Variants in TULP3 observed in about 807,000 individuals in gnomAD.
The protein encoded by TULP3 is tubby-related protein 3.
A neutral mutation model predicts 50.7 loss-of-function variants in TULP3; 38 were observed. The ratio of observed to expected loss-of-function variants is 0.75; its 90% confidence interval spans 0.58 to 0.98. TULP3 has a LOEUF of 0.98. TULP3 is among the 50% of genes least tolerant of loss of function. The probability of loss-of-function intolerance (pLI) is 0.00; values close to 1 mark genes in which losing one functional copy is unlikely to be tolerated. For missense variants in TULP3, 550 were observed against 568.0 expected, an observed-to-expected ratio of 0.97 and a Z score of 0.32; for synonymous variants, 183 against 196.6, an observed-to-expected ratio of 0.93 and a Z score of 0.58.
At position 2,922,311 on chromosome 12, in the gene TULP3, A is replaced by C. The variant is rs749395987; in HGVS notation, c.303A>C (p.Pro101=). The C allele has an allele frequency of 6.2e-7, 1 of 1,614,040 alleles. No individual in the cohort carries two copies. The highest frequency in any genetic ancestry group is 2.2e-5 in the East Asian group (1 of 44,884). ...AVLKPDEVHA[P]SVSSSVVEED... ...TGAAACCAGACGAAGTTCATGCTCC[A>C]TCAGTAAGCTCCTCTGTTGTGGAAG... is the stretch of plus-strand genomic sequence containing the variant. The change falls in exon 4 of 11, where the codon CCA becomes CCC. Residue 101 remains proline (P), a synonymous_variant. Coordinates refer to ENST00000448120, the MANE Select transcript of TULP3 (RefSeq NM_003324.5).
At chr12:2,922,427 G>T in intron 4 of TULP3, 25 bp downstream of exon 4, 2 of 1,596,722 alleles carry the variant, frequency 1.3e-6, no homozygotes, top group Non-Finnish European at 1.7e-6. Context: ...TGATTTTAAG[G>T]CAATTTGTCT....
chr12:2,920,074 A>G (rs567685123), intron 2 of TULP3, among the ~76,000 whole-genome samples: 1 of 151,582 alleles, frequency 6.6e-6, no homozygotes, highest in East Asian at 1.9e-4. Flanking sequence ...CAATCATGCC[A>G]TAGTCTGCCA....
chr12:2,933,342 A>T, intron 6 of TULP3, 76 bp from the exon 7 acceptor site: 1 of 868,610 alleles, frequency 1.2e-6, no homozygotes, highest in Non-Finnish European at 1.9e-6. Flanking sequence ...CTGAATGAAT[A>T]TGTAGGACAA....
intron 1 of TULP3, among the ~76,000 whole-genome samples, chr12:2,893,564 G>T (rs922040352): frequency 1.3e-5 from 2 of 151,690 alleles, no homozygotes; most frequent in Non-Finnish European, 2.9e-5. Flanking sequence ...CAGGGGATTC[G>T]CCCGCCTCGG....
intron 10 of TULP3, 23 bp downstream of exon 10, chr12:2,938,308 G>A (rs1321545486): frequency 6.2e-7 from 1 of 1,610,232 alleles, no homozygotes; most frequent in African/African-American, 1.3e-5. Context: ...GAGGGGTTGG[G>A]TGGGAAGAGG....
At chr12:2,914,789 C>T (rs750023608) in intron 2 of TULP3, among the ~76,000 whole-genome samples, 21 of 151,418 alleles carry the variant, frequency 1.4e-4, no homozygotes, top group South Asian at 4.2e-4. Flanking sequence ...TGCACCACCA[C>T]GCCTGGCTAA....
chr12:2,919,720 A>T (rs1012966036), intron 2 of TULP3, among the ~76,000 whole-genome samples: 2 of 152,070 alleles, frequency 1.3e-5, no homozygotes, highest in Non-Finnish European at 2.9e-5. Flanking sequence ...AAAAGGTACT[A>T]GTACTATGTG....
Position 2,933,520 on chromosome 12 carries a change from G to T in TULP3, c.799G>T (p.Gly267Cys), listed in dbSNP as rs137879043. Residue 267 changes from glycine to cysteine, a missense_variant, in exon 7 of 11, where the codon GGC becomes TGC. Coordinates refer to ENST00000448120, the MANE Select transcript of TULP3 (RefSeq NM_003324.5). ...ATCTCGTGAAGGAGAAAGTTATGTC[G>T]GCAAGCTTAGGTGAAAGCAACCTTA... is the stretch of plus-strand genomic sequence containing the variant. The part of the protein sequence containing the change: ...DLSREGESYV[G>C]KLRSNLMGTK... The T allele has an allele frequency of 1.6e-5, 26 of 1,611,054 alleles. No individual in the cohort carries two copies. Among genetic ancestry groups the T allele is most frequent in the Non-Finnish European group, 4.2e-6 (5 of 1,177,532 alleles).
intron 9 of TULP3, 101 bp downstream of exon 9, chr12:2,937,830 GC>G (rs1179850507): frequency 4.8e-6 from 5 of 1,041,988 alleles, no homozygotes; most frequent in Middle Eastern, 3.0e-4. Flanking sequence ...AGCTTCCAGA[GC>G]CCCACACTGG....
intron 1 of TULP3, among the ~76,000 whole-genome samples, chr12:2,905,777 G>A (rs565419634): frequency 2.0e-5 from 3 of 152,000 alleles, no homozygotes; most frequent in South Asian, 4.2e-4. Context: ...GAGGCCTTAA[G>A]AGAAACGTTT....
chr12:2,940,339 G>C lies in TULP3; in HGVS notation c.*895G>C. The C allele has an allele frequency of 1.4e-6, 2 of 1,437,264 alleles. No individual in the cohort carries two copies. The highest frequency in any genetic ancestry group is 1.8e-6 in the Non-Finnish European group (2 of 1,095,924). The allele number at this position is 1,437,264 out of a possible 1,614,324, so 89.0% of individuals were successfully genotyped here. A position where few individuals can be genotyped will look rare whatever the true frequency, so the allele number is the denominator to read the frequency against. On this transcript the variant is annotated 3_prime_UTR_variant, in exon 11 of 11. Coordinates refer to ENST00000448120, the MANE Select transcript of TULP3 (RefSeq NM_003324.5). ...GTTTAGTTAAAAAAAAAAAAAAAAA[G>C]GTGGCAGGAGAGGCTTTGGGGAGGA...
chr12:2,893,519 C>T (rs978252089), intron 1 of TULP3, among the ~76,000 whole-genome samples: 1 of 151,694 alleles, frequency 6.6e-6, no homozygotes, highest in African/African-American at 2.4e-5. Context: ...GGGGGTTTCT[C>T]CATGTTGGTC....
chr12:2,904,325 T>A (rs1173547895), intron 1 of TULP3, among the ~76,000 whole-genome samples: 1 of 152,176 alleles, frequency 6.6e-6, no homozygotes, highest in Non-Finnish European at 1.5e-5. Context: ...TTAGTTTTTA[T>A]TTTATCTGTC....
intron 1 of TULP3, among the ~76,000 whole-genome samples, chr12:2,897,018 T>A (rs539255491): frequency 2.6e-4 from 39 of 152,314 alleles, no homozygotes; most frequent in African/African-American, 5.5e-4. Context: ...TTTGGACTTT[T>A]AAATTTTTTT....
At chr12:2,921,287 C>A (rs1467955807) in intron 3 of TULP3, among the ~76,000 whole-genome samples, 1 of 152,084 alleles carries the variant, frequency 6.6e-6, no homozygotes, top group Non-Finnish European at 1.5e-5. Flanking sequence ...TTACAGGCGC[C>A]TGCCACCATG....
rs2153949566 is a variant in TULP3 at position 2,920,802 on chromosome 12, G to GA, written c.134dup (p.Pro46AlafsTer21). The GA allele has an allele frequency of 1.2e-6, 2 of 1,614,146 alleles. No homozygotes were observed. The highest frequency in any genetic ancestry group is 4.5e-5 in the East Asian group (2 of 44,872). ...GAAGAGGCAAAGGAAAAAGCGCCTT[G>GA]AGCCATTTATGGTGCAGCCCAATCC... On this transcript the variant is annotated frameshift_variant, in exon 3 of 11. Coordinates refer to ENST00000448120, the MANE Select transcript of TULP3 (RefSeq NM_003324.5). LOFTEE classifies it high-confidence loss of function.
intron 1 of TULP3, among the ~76,000 whole-genome samples, chr12:2,895,744 G>C (rs2098175181): frequency 6.6e-6 from 1 of 152,176 alleles, no homozygotes; most frequent in Non-Finnish European, 1.5e-5. Context: ...TGTGTCATTA[G>C]TGGATTTTGT....
At chr12:2,928,521 A>G (rs1255889533) in intron 4 of TULP3, among the ~76,000 whole-genome samples, 2 of 151,796 alleles carry the variant, frequency 1.3e-5, no homozygotes, top group Non-Finnish European at 2.9e-5. Flanking sequence ...CGAGAGCGAA[A>G]CTCCATCTCA....
intron 1 of TULP3, among the ~76,000 whole-genome samples, chr12:2,899,879 C>G (rs34275919): frequency 7.2e-6 from 1 of 138,304 alleles, no homozygotes; most frequent in South Asian, 2.3e-4. Context: ...GGCGACAGAG[C>G]GAGACTCCGT....
Sources: allele counts gnomAD v4.1 joint callset (sites outside exome capture counted in the v4.1 genomes callset), GRCh38; gene constraint gnomAD v4.1.1; transcripts MANE v1.5; gene names NCBI Gene and HGNC (gene_info 2026-07-23, HGNC 2026-07-21).